ADGRL2: variants seen among roughly 807,000 people sequenced by gnomAD.
ADGRL2 encodes calcium-independent alpha-latrotoxin receptor 2.
Under a neutral mutation model 157.4 loss-of-function variants are expected in ADGRL2, and 44 were observed. The ratio of observed to expected loss-of-function variants is 0.28; its 90% CI spans 0.22 to 0.36. ADGRL2 has a LOEUF of 0.36. Ranked by LOEUF, ADGRL2 falls within the 10% of genes least tolerant of loss-of-function variation. The pLI is 1.00. For missense variants in ADGRL2, 1,510 were observed against 1,768.9 expected, an observed-to-expected ratio of 0.85 and a Z score of 2.63; for synonymous variants, 585 against 624.7, an observed-to-expected ratio of 0.94 and a Z score of 0.95.
chr1:81,703,383 G>A lies in ADGRL2; in HGVS notation c.-143+3575G>A, dbSNP rs17106970. 7.1e-3 allele frequency among the ~76,000 whole-genome samples: 1,079 copies of A among 152,262 alleles called. 15 individuals carry two copies. Among genetic ancestry groups the A allele is most frequent in the African/African-American group, 0.025 (1,031 of 41,552 alleles). The stretch of plus-strand genomic sequence containing the variant: ...TGATTAATGGAACAGGAGTTGGGGA[G>A]AATCCAGGTAGTTATGCTAGCTAGA... On this transcript the variant is annotated intron_variant, in intron 1 of 20. Transcript: ENST00000359929.
chr1:81,650,387 T>A (rs2082391934), intron 3 of ADGRL2, among the ~76,000 whole-genome samples: 1 of 124,926 alleles, frequency 8.0e-6, no homozygotes, highest in Admixed American at 7.8e-5. Flanking sequence ...CTGGCCAACA[T>A]GGTAAAAAAA....
chr1:81,619,916 T>A (rs1246780202), intron 3 of ADGRL2, among the ~76,000 whole-genome samples: 1 of 150,568 alleles, frequency 6.6e-6, no homozygotes, highest in Non-Finnish European at 1.5e-5. Context: ...TTACCTAGCT[T>A]CTCTGTGCCT....
At chr1:81,764,220 G>A (rs989331310) in intron 2 of ADGRL2, among the ~76,000 whole-genome samples, 9 of 148,122 alleles carry the variant, frequency 6.1e-5, no homozygotes, top group Admixed American at 2.7e-4. Context: ...TAGATAACTA[G>A]GCAAATATAA....
At chr1:81,436,238 G>A (rs187674393) in intron 1 of ADGRL2, among the ~76,000 whole-genome samples, 17 of 152,162 alleles carry the variant, frequency 1.1e-4, no homozygotes, top group South Asian at 4.2e-4. Context: ...GACACGGCTC[G>A]GTCCTCCAAA....
rs1036953826 is a variant in ADGRL2, at chr1:81,986,810, T to C, written c.3509-91T>C. 5 of 1,324,314 alleles carry C rather than the reference T, an allele frequency of 3.8e-6. No homozygotes were observed. In the African/African-American group the frequency reaches 6.0e-5, roughly 16 times the overall value. The allele number at this position is 1,324,314 out of a possible 1,614,324, so 82.0% of individuals were successfully genotyped here. A position where few individuals can be genotyped will look rare whatever the true frequency, so the allele number is the denominator to read the frequency against. On this transcript the variant is annotated intron_variant, in intron 21 of 23. Coordinates refer to ENST00000686636, the MANE Select transcript of ADGRL2 (RefSeq NM_001366006.2). ...ACTTGTCCACTACCCTTGATGAATA[T>C]AAAAAAAATAGTTGACTACAACTGT...
intron 1 of ADGRL2, among the ~76,000 whole-genome samples, chr1:81,313,013 G>T (rs954185237): frequency 2.0e-5 from 3 of 152,108 alleles, no homozygotes; most frequent in Non-Finnish European, 2.9e-5. Flanking sequence ...CCATTTCTCA[G>T]CTTTATAGTA....
intron 2 of ADGRL2, among the ~76,000 whole-genome samples, chr1:81,477,944 A>G (rs974953619): frequency 1.3e-5 from 2 of 152,188 alleles, no homozygotes; most frequent in African/African-American, 4.8e-5. Flanking sequence ...AGGAAGGAAG[A>G]GGGGAGAAAA....
chr1:81,896,101 A>G (rs942868090), intron 2 of ADGRL2, among the ~76,000 whole-genome samples: 1 of 152,226 alleles, frequency 6.6e-6, no homozygotes, highest in Non-Finnish European at 1.5e-5. Flanking sequence ...ACATTAAATA[A>G]CATAGAGTTG....
chr1:81,666,001 T>C (rs2082743321), intron 3 of ADGRL2, among the ~76,000 whole-genome samples: 1 of 152,158 alleles, frequency 6.6e-6, no homozygotes, highest in Non-Finnish European at 1.5e-5. Flanking sequence ...GCTGAATAGC[T>C]GGACTAAGGC....
chr1:81,768,312 G>C lies in ADGRL2; in HGVS notation c.-101+6460G>C, dbSNP rs1476574279. ...GTACTCCCAGCTATCATCTGCTGAG[G>C]TTATAGGTGTGAGCTACTGCACCTA... On this transcript the variant is annotated intron_variant, in intron 2 of 20. Coordinates refer to the ADGRL2 transcript ENST00000359929. Among the ~76,000 whole-genome samples the C allele has an allele frequency of 3.9e-5, 6 of 152,140 alleles. No individual in the cohort carries two copies. The East Asian group carries it at 9.7e-4, about 25-fold the overall frequency.
At chr1:81,888,299 T>A (rs931802110) in intron 2 of ADGRL2, among the ~76,000 whole-genome samples, 1 of 152,210 alleles carries the variant, frequency 6.6e-6, no homozygotes, top group Non-Finnish European at 1.5e-5. Flanking sequence ...TTTAGTATTT[T>A]GGAAATACTG....
At chr1:81,763,000 C>G (rs561251155) in intron 2 of ADGRL2, among the ~76,000 whole-genome samples, 1 of 136,376 alleles carries the variant, frequency 7.3e-6, no homozygotes, top group Non-Finnish European at 1.5e-5. Flanking sequence ...TGCAGTGGGC[C>G]GAGTGCCACT....
chr1:81,369,654 A>T (rs2076127926), intron 1 of ADGRL2, among the ~76,000 whole-genome samples: 1 of 152,098 alleles, frequency 6.6e-6, no homozygotes, highest in Admixed American at 6.6e-5. Flanking sequence ...TACTTTTTTC[A>T]TGTGCAAAAG....
At chr1:81,896,596 G>A (rs927748612) in intron 2 of ADGRL2, among the ~76,000 whole-genome samples, 1 of 151,724 alleles carries the variant, frequency 6.6e-6, no homozygotes, top group Non-Finnish European at 1.5e-5. Flanking sequence ...TTAAAACTGT[G>A]GTCTTTTTGT....
chr1:81,325,292 T>G (rs1454238227), intron 1 of ADGRL2, among the ~76,000 whole-genome samples: 1 of 152,206 alleles, frequency 6.6e-6, no homozygotes, highest in Non-Finnish European at 1.5e-5. Context: ...CCCCTCACAG[T>G]ACCTCTTCTG....
chr1:81,430,839 G>C (rs2077306668), intron 1 of ADGRL2, among the ~76,000 whole-genome samples: 1 of 152,106 alleles, frequency 6.6e-6, no homozygotes, highest in Non-Finnish European at 1.5e-5. Flanking sequence ...TGTGTCCATG[G>C]AAAACTCCAT....
At chr1:81,341,500 C>T (rs1019730409) in intron 1 of ADGRL2, among the ~76,000 whole-genome samples, 5 of 151,220 alleles carry the variant, frequency 3.3e-5, no homozygotes, top group Non-Finnish European at 5.9e-5. Context: ...TATTTTATTG[C>T]CTGGTACTTA....
At chr1:81,533,681 T>C (rs1042229809) in intron 2 of ADGRL2, among the ~76,000 whole-genome samples, 51 of 152,358 alleles carry the variant, frequency 3.3e-4, no homozygotes, top group Non-Finnish European at 6.3e-4. Flanking sequence ...TAATATCAGC[T>C]ACATGCATTG....
chr1:81,433,113 T>A (rs2077351476), intron 1 of ADGRL2, among the ~76,000 whole-genome samples: 2 of 152,162 alleles, frequency 1.3e-5, no homozygotes, highest in Admixed American at 1.3e-4. Flanking sequence ...ATTATCTGCC[T>A]TAGACAAGGG....
Sources: allele counts gnomAD v4.1 joint callset (sites outside exome capture counted in the v4.1 genomes callset), GRCh38; gene constraint gnomAD v4.1.1; transcripts MANE v1.5; gene names NCBI Gene and HGNC (gene_info 2026-07-23, HGNC 2026-07-21).